CEACAM3: variants seen among roughly 807,000 people sequenced by gnomAD.
CEACAM3 encodes cell adhesion molecule CEACAM3.
In CEACAM3, 32 loss-of-function variants were observed where a neutral mutation model predicts 30.1. The ratio of observed to expected loss-of-function variants is 1.06; its 90% CI spans 0.80 to 1.43. The LOEUF (loss-of-function observed/expected upper bound fraction) is 1.43. Among genes scored for constraint, CEACAM3 ranks in the 40% most tolerant of loss-of-function variants. The pLI is 0.00. For synonymous variants in CEACAM3, 134 were observed against 127.2 expected, an observed-to-expected ratio of 1.05 and a Z score of -0.36; for missense variants, 290 against 316.3, an observed-to-expected ratio of 0.92 and a Z score of 0.63.
intron 2 of CEACAM3, among the ~76,000 whole-genome samples, chr19:41,800,415 AGTCTCCCTTTCCCCG>A (rs1555825866): frequency 6.6e-6 from 1 of 152,004 alleles, no homozygotes; most frequent in Non-Finnish European, 1.5e-5. Context: ...CGGGAAAGGG[AGTCTCCCTTTCCCCG>A]GGAGAGTTTA....
In CEACAM3 at chr19:41,811,528, T is replaced by A; in HGVS notation, c.*291T>A. On this transcript the variant is annotated 3_prime_UTR_variant, in exon 7 of 7. Transcript: ENST00000357396. ...CCCACCTGGGGTCACTTGGAAAGGA[T>A]CTGAATAAAGGGGACCCTTCCTCTC... 2.3e-6 allele frequency: 1 copy of A among 428,180 alleles called. No homozygotes were observed. 26.5% of individuals were successfully genotyped at this position (428,180 alleles called of 1,614,324 possible). A position where few individuals can be genotyped will look rare whatever the true frequency, so the allele number is the denominator to read the frequency against.
chr19:41,808,974 C>T (rs184547409), intron 3 of CEACAM3, 44 bp downstream of exon 3: 1 of 1,384,184 alleles, frequency 7.2e-7, no homozygotes, highest in Non-Finnish European at 9.8e-7. Flanking sequence ...CCTAGGCTGA[C>T]TCCAGGCCAA....
rs782185956 is a variant in CEACAM3 at position 41,797,917 on chromosome 19, T to A, written c.393T>A (p.Asn131Lys). 1.9e-6 allele frequency: 3 copies of A among 1,611,220 alleles called. No individual in the cohort carries two copies. Among genetic ancestry groups the A allele is most frequent in the South Asian group, 1.1e-5 (1 of 90,758 alleles). The change falls in exon 2 of 7, where the codon AAT (asparagine) becomes AAA (lysine). Residue 131 changes from asparagine (N) to lysine (K), a missense_variant. Coordinates refer to ENST00000357396, the MANE Select transcript of CEACAM3 (RefSeq NM_001815.5). ...TLQVIKSDLV[N>K]EEATGQFHVY... ...AAGTCATAAAGTCAGATCTTGTGAA[T>A]GAAGAAGCAACTGGACAGTTCCATG...
rs1555827338 is a variant in CEACAM3 at position 41,809,974 on chromosome 19, C to T, written c.552C>T (p.Ile184=). 5 of 1,613,944 alleles carry T rather than the reference C, an allele frequency of 3.1e-6. No homozygotes were observed. The South Asian group carries it at 5.5e-5, about 18-fold the overall frequency. Residue 184 remains isoleucine, a synonymous_variant, in exon 4 of 7, where the codon ATC becomes ATT. Transcript: ENST00000357396. ...LLLAKTGRTS[I]QRDLKEQQPQ... ...CCCTGACCTTTCCTAGAACCAGCAT[C>T]CAGCGTGACCTCAAGGAGCAGCAGC... is the stretch of plus-strand genomic sequence containing the variant.
chr19:41,806,381 A>G (rs1555826779), intron 2 of CEACAM3, among the ~76,000 whole-genome samples: 1 of 151,964 alleles, frequency 6.6e-6, no homozygotes, highest in African/African-American at 2.4e-5. Context: ...ACCATGATAT[A>G]CCTGGAAAGA....
At chr19:41,808,202 G>A (rs1442417481) in intron 2 of CEACAM3, among the ~76,000 whole-genome samples, 1 of 152,210 alleles carries the variant, frequency 6.6e-6, no homozygotes, top group African/African-American at 2.4e-5. Context: ...TTGTTGTTCT[G>A]ATTTCTCACA....
intron 3 of CEACAM3, chr19:41,809,700 C>T (rs1334578203): frequency 2.5e-6 from 1 of 395,280 alleles, no homozygotes; most frequent in Admixed American, 4.1e-5. Context: ...CTTGGGTCCT[C>T]AGTCCCTTTC....
chr19:41,798,090 C>CG (rs1555825528), intron 2 of CEACAM3, 142 bp downstream of exon 2: 1 of 1,369,720 alleles, frequency 7.3e-7, no homozygotes. Flanking sequence ...AGGACACACA[C>CG]GGGGGAGACA....
Position 41,796,648 on chromosome 19 carries a change from C to T in CEACAM3, c.-30C>T, listed in dbSNP as rs1555825223. On this transcript the variant is annotated 5_prime_UTR_variant, in exon 1 of 7. Coordinates refer to ENST00000357396, the MANE Select transcript of CEACAM3 (RefSeq NM_001815.5). ...TTCCTGGAGCCCAGGCTCTTTTCCA[C>T]AGAGGAGGAAAGAGCAGGCAGCAGA... 1.9e-6 allele frequency: 3 copies of T among 1,613,268 alleles called. No homozygotes were observed. The highest frequency in any genetic ancestry group is 4.5e-5 in the East Asian group (2 of 44,890).
At chr19:41,809,759 C>T in intron 3 of CEACAM3, 1 of 560,036 alleles carries the variant, frequency 1.8e-6, no homozygotes, top group South Asian at 2.4e-5. Context: ...GCCTGAGGGT[C>T]CTTCCCCTCT....
chr19:41,803,459 T>TGTG (rs1209361017), intron 2 of CEACAM3, among the ~76,000 whole-genome samples: 5 of 94,380 alleles, frequency 5.3e-5, no homozygotes, highest in African/African-American at 1.5e-4. Flanking sequence ...TGTGTGTGTG[T>TGTG]TGTTTTGTTT....
intron 2 of CEACAM3, among the ~76,000 whole-genome samples, chr19:41,802,955 C>T (rs1555826174): frequency 2.0e-5 from 3 of 152,148 alleles, no homozygotes; most frequent in Non-Finnish European, 4.4e-5. Context: ...CAGAACCCTT[C>T]CCTCCCAACA....
intron 2 of CEACAM3, chr19:41,806,997 CT>C (rs1416415258): frequency 6.0e-5 from 93 of 1,543,548 alleles, no homozygotes; most frequent in Non-Finnish European, 8.0e-5. Flanking sequence ...TTGTCTTGGT[CT>C]TTTAAGGAGT....
rs984374900 is a variant in CEACAM3, at chr19:41,806,832, G to T, written c.425-1981G>T. ...CTCCCAAGTAGCTGGGACTACAGGCGCCTGCCACCATGCCTGGCTAATTTT... is the reference window on the plus strand; with the variant it reads ...CTCCCAAGTAGCTGGGACTACAGGCTCCTGCCACCATGCCTGGCTAATTTT... On this transcript the variant is annotated intron_variant, in intron 2 of 6. Transcript: ENST00000357396. Among the ~76,000 whole-genome samples, 14 of 152,166 alleles carry T rather than the reference G, an allele frequency of 9.2e-5. No individual in the cohort carries two copies. The East Asian group carries it at 2.5e-3, about 27-fold the overall frequency.
At position 41,796,724 on chromosome 19, in the gene CEACAM3, A is replaced by G. The variant is rs201182929; in HGVS notation, c.47A>G (p.Gln16Arg). ...CCCCACAGAGAATGCATCCCCTGGC[A>G]GGGGCTTCTGCTCACAGGTGAGTGG... Reference protein sequence around the residue: ...ASPHRECIPWQGLLLTASLLN... With the variant: ...ASPHRECIPWRGLLLTASLLN... Residue 16 changes from glutamine (Q) to arginine (R), a missense_variant, in exon 1 of 7, where the codon CAG (glutamine) becomes CGG (arginine). Physicochemically the swap from Gln to Arg is conservative, Grantham distance 43. Transcript: ENST00000357396. 118 of 1,613,628 alleles carry G rather than the reference A, an allele frequency of 7.3e-5. 2 individuals carry two copies. In the East Asian group the frequency reaches 2.6e-3, roughly 35 times the overall value.
chr19:41,802,696 G>T (rs2073161652), intron 2 of CEACAM3, among the ~76,000 whole-genome samples: 1 of 152,214 alleles, frequency 6.6e-6, no homozygotes, highest in Non-Finnish European at 1.5e-5. Context: ...CCTTCCTGAA[G>T]CGGGAGGGGG....
Position 41,810,345 on chromosome 19 carries a change from T to C in CEACAM3, c.618T>C (p.Ser206=), listed in dbSNP as rs782008014. 36 of 1,604,268 alleles carry C rather than the reference T, an allele frequency of 2.2e-5. No individual in the cohort carries two copies. The Admixed American group carries it at 6.0e-4, about 27-fold the overall frequency. The change falls in exon 5 of 7, where the codon TCT becomes TCC. Residue 206 remains serine, a synonymous_variant. Coordinates refer to ENST00000357396, the MANE Select transcript of CEACAM3 (RefSeq NM_001815.5). The part of the protein sequence containing the change: ...LAPGRGPSHS[S]AFSMSPLSTA... ...CAGGCCGTGGTCCCTCCCACAGCTC[T>C]GCCTTCTCGGTAAGCCTGTCCCCTT...
intron 2 of CEACAM3, among the ~76,000 whole-genome samples, chr19:41,799,959 G>A (rs2073132642): frequency 6.6e-6 from 1 of 152,142 alleles, no homozygotes. Context: ...CCTGTGGGAA[G>A]GTTTTCAGGT....
At position 41,811,485 on chromosome 19, in the gene CEACAM3, A is replaced by C; in HGVS notation, c.*248A>C. ...CGCAGAAAGCGGGGGCTTGCAGGGAAAGTGAATGGGCCTGTGGCCCACCTG... is the reference window on the plus strand; with the variant it reads ...CGCAGAAAGCGGGGGCTTGCAGGGACAGTGAATGGGCCTGTGGCCCACCTG... On this transcript the variant is annotated 3_prime_UTR_variant, in exon 7 of 7. Transcript: ENST00000357396. 1.9e-6 allele frequency: 1 copy of C among 513,410 alleles called. No individual in the cohort carries two copies. The highest frequency in any genetic ancestry group is 3.5e-6 in the Non-Finnish European group (1 of 281,858). 31.8% of individuals were successfully genotyped at this position (513,410 alleles called of 1,614,324 possible).
Sources: gnomAD v4.1 joint callset for allele counts (sites outside exome capture counted in the v4.1 genomes callset) on GRCh38, gnomAD v4.1.1 for gene constraint, MANE v1.5 for transcripts, NCBI Gene and HGNC (gene_info 2026-07-23, HGNC 2026-07-21) for gene names.